The following SRPK1 variants were observed in gnomAD, a reference collection of about 807,000 sequenced individuals.
SRPK1 encodes the protein SRSF protein kinase 1.
Under a neutral mutation model 89.5 loss-of-function variants are expected in SRPK1, and 52 were observed. The ratio of observed to expected loss-of-function variants is 0.58; its 90% CI spans 0.46 to 0.73. The LOEUF is 0.73. SRPK1 is among the 30% of genes least tolerant of loss of function. SRPK1 has a pLI of 0.00. For missense variants in SRPK1, 603 were observed against 780.6 expected (o/e 0.77, Z 2.71); for synonymous variants, 255 against 270.2 (o/e 0.94, Z 0.55).
intron 2 of SRPK1, among the ~76,000 whole-genome samples, chr6:35,896,528 G>T (rs1681684581): frequency 6.6e-6 from 1 of 152,196 alleles, no homozygotes; most frequent in African/African-American, 2.4e-5. Flanking sequence ...TGGAAAGTTT[G>T]TTAATTCCTC....
intron 14 of SRPK1, chr6:35,838,779 T>G: frequency 2.9e-6 from 4 of 1,382,296 alleles, no homozygotes; most frequent in Non-Finnish European, 3.9e-6. Flanking sequence ...CTATCAGCTC[T>G]ATAATGTGCA....
chr6:35,880,746 A>AGAAAAAAAG (rs765099755), intron 6 of SRPK1, among the ~76,000 whole-genome samples: 12 of 89,222 alleles, frequency 1.3e-4, no homozygotes, highest in Non-Finnish European at 2.5e-4. Flanking sequence ...AAAAAAAAAA[A>AGAAAAAAAG]AAAAGAAAAG....
intron 2 of SRPK1, among the ~76,000 whole-genome samples, chr6:35,906,893 A>C (rs1280436756): frequency 2.0e-5 from 3 of 152,220 alleles, no homozygotes; most frequent in Non-Finnish European, 4.4e-5. Flanking sequence ...AGTTATTATC[A>C]AATGTTTATT....
chr6:35,887,927 T>C (rs1770443954), intron 5 of SRPK1, 97 bp downstream of exon 5: 1 of 829,776 alleles, frequency 1.2e-6, no homozygotes, highest in African/African-American at 1.8e-5. Flanking sequence ...TAGAGAAAAT[T>C]ATCCATGCTA....
intron 2 of SRPK1, among the ~76,000 whole-genome samples, chr6:35,907,105 T>C (rs1770864203): frequency 6.6e-6 from 1 of 152,056 alleles, no homozygotes. Context: ...CAACCAGAAT[T>C]GATGTTTCCT....
At chr6:35,912,717 G>A (rs925822691) in intron 2 of SRPK1, among the ~76,000 whole-genome samples, 3 of 152,322 alleles carry the variant, frequency 2.0e-5, no homozygotes, top group Admixed American at 1.3e-4. Context: ...CTTACCTAAA[G>A]TGGGAAAAAC....
chr6:35,881,328 T>C (rs3997732), intron 6 of SRPK1, among the ~76,000 whole-genome samples: 47,943 of 151,970 alleles, frequency 0.32, 7,803 homozygotes, highest in South Asian at 0.42. Flanking sequence ...GGTTTATAAC[T>C]CCTCTTTTTG....
chr6:35,870,460 A>G lies in SRPK1; in HGVS notation c.812T>C (p.Leu271Ser). The change falls in exon 10 of 16, where the codon TTG becomes TCG. Residue 271 changes from leucine (L) to serine (S), a missense_variant. Transcript: ENST00000373825. ...DKMSKNKKKK[L>S]KKKQKRQAEL... ...TGCCTGGCGCTTCTGCTTCTTCTTC[A>G]ATTTCTTCTTCTTATTCTTTGACAT... 6.4e-7 allele frequency: 1 copy of G among 1,552,486 alleles called. No homozygotes were observed. The highest frequency in any genetic ancestry group is 8.7e-7 in the Non-Finnish European group (1 of 1,147,412).
chr6:35,907,291 C>T (rs1229985611), intron 2 of SRPK1, among the ~76,000 whole-genome samples: 1 of 152,106 alleles, frequency 6.6e-6, no homozygotes, highest in African/African-American at 2.4e-5. Context: ...AGATTGAATA[C>T]TTGACATTAA....
intron 13 of SRPK1, among the ~76,000 whole-genome samples, chr6:35,855,235 G>C (rs1052597239): frequency 1.3e-5 from 2 of 152,046 alleles, no homozygotes; most frequent in African/African-American, 4.8e-5. Context: ...CTGGGAGGCG[G>C]AGCTTGCAGT....
chr6:35,837,571 TC>T (rs1186556463), intron 15 of SRPK1, among the ~76,000 whole-genome samples: 6 of 152,106 alleles, frequency 3.9e-5, no homozygotes, highest in African/African-American at 7.2e-5. Flanking sequence ...CTCTTTTTTT[TC>T]CCCGAGACAG....
Position 35,921,066 on chromosome 6 carries a change from G to A in SRPK1, c.-10C>T, listed in dbSNP as rs748064438. ...CACCTTTCCGCTCCATGGTGAGACC[G>A]GTAATCGCCAGGCGCCTGCGCACTC... On this transcript the variant is annotated 5_prime_UTR_variant, in exon 1 of 16. Coordinates refer to ENST00000373825, the MANE Select transcript of SRPK1 (RefSeq NM_003137.5). 7.9e-6 allele frequency: 12 copies of A among 1,527,252 alleles called. No homozygotes were observed. The African/African-American group carries it at 1.1e-4, about 15-fold the overall frequency. 94.6% of individuals were successfully genotyped at this position (1,527,252 alleles called of 1,614,324 possible).
chr6:35,916,644 A>G (rs1401845473), intron 2 of SRPK1, among the ~76,000 whole-genome samples: 1 of 152,228 alleles, frequency 6.6e-6, no homozygotes, highest in Non-Finnish European at 1.5e-5. Context: ...TACTAAATCC[A>G]TAATTATTTA....
intron 13 of SRPK1, among the ~76,000 whole-genome samples, chr6:35,854,154 T>C (rs1769617877): frequency 6.6e-6 from 1 of 152,130 alleles, no homozygotes; most frequent in African/African-American, 2.4e-5. Context: ...TTTCTCCATG[T>C]TGGCTAGGCT....
chr6:35,896,020 T>C (rs1770620651), intron 2 of SRPK1, among the ~76,000 whole-genome samples: 1 of 152,236 alleles, frequency 6.6e-6, no homozygotes, highest in Admixed American at 6.5e-5. Flanking sequence ...TGTAATATCC[T>C]TTATTTAGAA....
chr6:35,866,358 G>C (rs748460796), intron 12 of SRPK1, among the ~76,000 whole-genome samples: 2 of 152,132 alleles, frequency 1.3e-5, no homozygotes, highest in Non-Finnish European at 2.9e-5. Context: ...GGCCGAGGTA[G>C]GCAGATCACA....
At chr6:35,850,768 T>C (rs1019587773) in intron 13 of SRPK1, among the ~76,000 whole-genome samples, 1 of 152,080 alleles carries the variant, frequency 6.6e-6, no homozygotes, top group Non-Finnish European at 1.5e-5. Flanking sequence ...CCCATGTATC[T>C]CAGGGAGTGA....
At chr6:35,919,291 A>G (rs1562002005) in intron 2 of SRPK1, among the ~76,000 whole-genome samples, 1 of 152,216 alleles carries the variant, frequency 6.6e-6, no homozygotes, top group Non-Finnish European at 1.5e-5. Flanking sequence ...GTCACCTACC[A>G]CTTTAGTTCT....
At chr6:35,870,571 T>A in intron 9 of SRPK1, 77 bp from the exon 10 acceptor site, 1 of 1,293,326 alleles carries the variant, frequency 7.7e-7, no homozygotes, top group Non-Finnish European at 1.1e-6. Flanking sequence ...TTGTTAACTT[T>A]AATTACTTCC....
Sources: gnomAD v4.1 joint callset for allele counts (sites outside exome capture counted in the v4.1 genomes callset) on GRCh38, gnomAD v4.1.1 for gene constraint, MANE v1.5 for transcripts, NCBI Gene and HGNC (gene_info 2026-07-23, HGNC 2026-07-21) for gene names.